IL1RAPL1: variants seen among roughly 807,000 people sequenced by gnomAD.
IL1RAPL1 encodes interleukin 1 receptor accessory protein like 1, also known as interleukin-1 receptor accessory protein-like 1.
Under a neutral mutation model 48.4 loss-of-function variants are expected in IL1RAPL1, and 3 were observed. The ratio of observed to expected loss-of-function variants is 0.06; its 90% CI spans 0.03 to 0.16. IL1RAPL1 has a LOEUF of 0.16. Among genes scored for constraint, IL1RAPL1 ranks in the 10% least tolerant of loss-of-function variants. The pLI, the probability that IL1RAPL1 is intolerant of heterozygous loss-of-function variation, is 1.00. For missense variants in IL1RAPL1, 349 were observed against 530.6 expected (o/e 0.66, Z 3.36); for synonymous variants, 185 against 187.7 (o/e 0.99, Z 0.12).
intron 6 of IL1RAPL1, among the ~76,000 whole-genome samples, chrX:29,853,800 C>T (rs1931426358): frequency 9.0e-6 from 1 of 111,260 alleles, no homozygotes; most frequent in East Asian, 2.8e-4. Context: ...TTGGCAATCC[C>T]TTTACGCTTT....
intron 3 of IL1RAPL1, among the ~76,000 whole-genome samples, chrX:29,381,142 G>C (rs1392131282): frequency 9.1e-6 from 1 of 110,438 alleles, no homozygotes; most frequent in Non-Finnish European, 1.9e-5. Flanking sequence ...TGAGAAAGAA[G>C]TGAGTTACAG....
chrX:29,135,552 G>C (rs774058008), intron 2 of IL1RAPL1, among the ~76,000 whole-genome samples: 1 of 111,454 alleles, frequency 9.0e-6, no homozygotes, highest in African/African-American at 3.3e-5. Flanking sequence ...TAATGAAATA[G>C]CTAGATTAGA....
chrX:28,691,455 A>G (rs1236278031), intron 1 of IL1RAPL1, among the ~76,000 whole-genome samples: 2 of 111,891 alleles, frequency 1.8e-5, no homozygotes, highest in Non-Finnish European at 1.9e-5. Context: ...GCCAGGAAGC[A>G]TTAACAGAAT....
intron 5 of IL1RAPL1, among the ~76,000 whole-genome samples, chrX:29,582,541 C>T (rs1602309190): frequency 2.4e-5 from 2 of 82,125 alleles, no homozygotes; most frequent in East Asian, 3.7e-4. Context: ...TATCCCTCCC[C>T]GCTCCCCCGA....
At chrX:29,242,122 A>G (rs144930114) in intron 2 of IL1RAPL1, among the ~76,000 whole-genome samples, 91 of 112,600 alleles carry the variant, frequency 8.1e-4, no homozygotes, top group African/African-American at 2.8e-3. Flanking sequence ...TGAATTGCAT[A>G]TGATTACATA....
intron 3 of IL1RAPL1, among the ~76,000 whole-genome samples, chrX:29,345,556 C>T (rs1404677402): frequency 1.8e-5 from 2 of 111,310 alleles, no homozygotes; most frequent in African/African-American, 6.5e-5. Flanking sequence ...TTATATCTTG[C>T]AGATATAGTA....
intron 5 of IL1RAPL1, among the ~76,000 whole-genome samples, chrX:29,441,543 G>C (rs1163879704): frequency 8.9e-6 from 1 of 112,009 alleles, no homozygotes; most frequent in Non-Finnish European, 1.9e-5. Flanking sequence ...ACTCACTGGT[G>C]CTAGTCTGCT....
intron 2 of IL1RAPL1, among the ~76,000 whole-genome samples, chrX:29,084,460 A>C (rs1927909115): frequency 8.9e-6 from 1 of 111,987 alleles, no homozygotes; most frequent in Non-Finnish European, 1.9e-5. Flanking sequence ...CTTAGGAAAA[A>C]TGTAATTAAA....
chrX:28,843,840 G>A (rs1030244687), intron 2 of IL1RAPL1, among the ~76,000 whole-genome samples: 8 of 111,056 alleles, frequency 7.2e-5, no homozygotes, highest in Non-Finnish European at 1.3e-4. Context: ...AGAGCAGTGC[G>A]TTTGTAAGGC....
chrX:29,194,628 G>C (rs948648688), intron 2 of IL1RAPL1, among the ~76,000 whole-genome samples: 1 of 112,076 alleles, frequency 8.9e-6, no homozygotes, highest in African/African-American at 3.2e-5. Flanking sequence ...TTTAAAACGA[G>C]ATTTGGTCTA....
intron 5 of IL1RAPL1, among the ~76,000 whole-genome samples, chrX:29,453,761 C>T (rs920837851): frequency 1.8e-5 from 2 of 112,032 alleles, no homozygotes; most frequent in African/African-American, 6.5e-5. Context: ...TTGAGACGAT[C>T]GAATGCTCTT....
intron 2 of IL1RAPL1, among the ~76,000 whole-genome samples, chrX:28,882,651 G>A (rs73631620): frequency 0.019 from 2,080 of 110,826 alleles, 48 homozygotes; most frequent in African/African-American, 0.065. Flanking sequence ...CTGAGCCCCC[G>A]CCACTGCAAA....
intron 6 of IL1RAPL1, among the ~76,000 whole-genome samples, chrX:29,756,261 T>C (rs1032643992): frequency 3.6e-5 from 4 of 112,025 alleles, no homozygotes; most frequent in African/African-American, 1.3e-4. Context: ...TTAATTCATC[T>C]ATATGTTTGT....
At chrX:29,388,889 A>C (rs1569300676) in intron 3 of IL1RAPL1, among the ~76,000 whole-genome samples, 1 of 111,942 alleles carries the variant, frequency 8.9e-6, no homozygotes, top group Non-Finnish European at 1.9e-5. Context: ...CTTAATTATA[A>C]ACTTTAAAAT....
chrX:29,218,347 A>G (rs953789884), intron 2 of IL1RAPL1, among the ~76,000 whole-genome samples: 2 of 111,947 alleles, frequency 1.8e-5, no homozygotes, highest in East Asian at 5.6e-4. Flanking sequence ...ATGGAAGCCT[A>G]AAATATTTTT....
intron 2 of IL1RAPL1, among the ~76,000 whole-genome samples, chrX:28,955,638 G>T (rs371788062): frequency 3.3e-4 from 36 of 107,634 alleles, no homozygotes; most frequent in South Asian, 1.3e-3. Context: ...CATTGATCTA[G>T]ATCTCTGTTT....
At chrX:28,798,855 AGG>A (rs1329261849) in intron 2 of IL1RAPL1, among the ~76,000 whole-genome samples, 1 of 111,992 alleles carries the variant, frequency 8.9e-6, no homozygotes, top group Non-Finnish European at 1.9e-5. Context: ...AGGGAAAGGA[AGG>A]ATGAGAGATG....
chrX:28,874,605 C>G (rs1418144917), intron 2 of IL1RAPL1, among the ~76,000 whole-genome samples: 2 of 112,165 alleles, frequency 1.8e-5, no homozygotes, highest in Non-Finnish European at 3.8e-5. Flanking sequence ...GTAATTCACA[C>G]TTTCAATAAT....
intron 2 of IL1RAPL1, among the ~76,000 whole-genome samples, chrX:28,935,331 T>A (rs1923989840): frequency 1.8e-5 from 2 of 110,471 alleles, no homozygotes; most frequent in Admixed American, 1.9e-4. Context: ...CCTTCCTTGG[T>A]TATATATATA....
Sources: allele counts gnomAD v4.1 joint callset (sites outside exome capture counted in the v4.1 genomes callset), GRCh38; gene constraint gnomAD v4.1.1; transcripts MANE v1.5; gene names NCBI Gene and HGNC (gene_info 2026-07-23, HGNC 2026-07-21).